The following TMPRSS11F variants were observed in gnomAD, a reference collection of about 807,000 sequenced individuals.
The protein encoded by TMPRSS11F is transmembrane serine protease 11F.
In TMPRSS11F, 47 loss-of-function variants were observed where a neutral mutation model predicts 60.2. The ratio of observed to expected loss-of-function variants is 0.78; its 90% CI spans 0.62 to 1.00. The LOEUF (loss-of-function observed/expected upper bound fraction) is 1.00. Among genes scored for constraint, TMPRSS11F ranks in the 50% least tolerant of loss-of-function variants. TMPRSS11F has a pLI of 0.00. For synonymous variants in TMPRSS11F, 166 were observed against 167.3 expected (o/e 0.99, Z 0.06); for missense variants, 519 against 522.9 (o/e 0.99, Z 0.07).
intron 8 of TMPRSS11F, among the ~76,000 whole-genome samples, chr4:68,059,804 C>T (rs1723120956): frequency 6.6e-6 from 1 of 152,162 alleles, no homozygotes; most frequent in Non-Finnish European, 1.5e-5. Flanking sequence ...CCAACTGCCA[C>T]ATTCTCCATG....
At chr4:68,106,672 A>G (rs756345923) in intron 1 of TMPRSS11F, among the ~76,000 whole-genome samples, 1 of 152,200 alleles carries the variant, frequency 6.6e-6, no homozygotes, top group Non-Finnish European at 1.5e-5. Context: ...CTGGTTTGAC[A>G]AAACAGTCAA....
At chr4:68,098,371 G>A (rs1724120257) in intron 2 of TMPRSS11F, among the ~76,000 whole-genome samples, 1 of 152,026 alleles carries the variant, frequency 6.6e-6, no homozygotes, top group Non-Finnish European at 1.5e-5. Context: ...TTGTCATTTG[G>A]CTCAACTATG....
intron 9 of TMPRSS11F, among the ~76,000 whole-genome samples, chr4:68,058,485 C>T (rs951311855): frequency 6.6e-6 from 1 of 152,126 alleles, no homozygotes; most frequent in Non-Finnish European, 1.5e-5. Flanking sequence ...TGAAAAAAGA[C>T]TTTTTCATTC....
At chr4:68,123,941 T>A (rs1226818308) in intron 1 of TMPRSS11F, among the ~76,000 whole-genome samples, 1 of 151,966 alleles carries the variant, frequency 6.6e-6, no homozygotes, top group Non-Finnish European at 1.5e-5. Flanking sequence ...TTTATCAAGG[T>A]CGGGCACGGT....
At chr4:68,087,540 G>C (rs552597683) in intron 3 of TMPRSS11F, among the ~76,000 whole-genome samples, 1 of 151,814 alleles carries the variant, frequency 6.6e-6, no homozygotes, top group Non-Finnish European at 1.5e-5. Flanking sequence ...AAAGTAAAAG[G>C]CATCCAAATA....
chr4:68,078,406 C>G (rs1577918930), intron 3 of TMPRSS11F, among the ~76,000 whole-genome samples: 2 of 152,136 alleles, frequency 1.3e-5, no homozygotes, highest in South Asian at 4.1e-4. Context: ...TTTGGGCCAC[C>G]TTGTCATCTT....
chr4:68,105,328 A>C (rs1560408409), intron 1 of TMPRSS11F, among the ~76,000 whole-genome samples: 1 of 152,128 alleles, frequency 6.6e-6, no homozygotes. Flanking sequence ...TATACAACTC[A>C]AACCTACTCT....
At chr4:68,065,779 A>G (rs1232230383) in intron 7 of TMPRSS11F, among the ~76,000 whole-genome samples, 1 of 151,500 alleles carries the variant, frequency 6.6e-6, no homozygotes, top group African/African-American at 2.4e-5. Flanking sequence ...AAAAAAAAAA[A>G]CCTGAAAGAT....
At position 68,086,241 on chromosome 4, in the gene TMPRSS11F, A is replaced by C. The variant is rs374347093; in HGVS notation, c.282+4282T>G. On this transcript the variant is annotated intron_variant, in intron 3 of 9. Transcript: ENST00000356291. ...GAAGATATCTCAAAACCACACAACT[A>C]CATGGAAATTAAGTAACTTGCTCCT... 5.0e-4 allele frequency among the ~76,000 whole-genome samples: 76 copies of C among 152,290 alleles called. 2 individuals are homozygous for C. The South Asian group carries it at 0.013, about 26-fold the overall frequency.
chr4:68,103,284 A>T (rs998529217), intron 1 of TMPRSS11F, among the ~76,000 whole-genome samples: 1 of 152,080 alleles, frequency 6.6e-6, no homozygotes, highest in Non-Finnish European at 1.5e-5. Flanking sequence ...CTACAAAAAA[A>T]ATACTTAAAA....
chr4:68,110,182 C>T (rs1394268393), intron 1 of TMPRSS11F, among the ~76,000 whole-genome samples: 1 of 152,180 alleles, frequency 6.6e-6, no homozygotes, highest in Non-Finnish European at 1.5e-5. Context: ...TTCTTAATGG[C>T]ATGGGTTAAC....
intron 1 of TMPRSS11F, among the ~76,000 whole-genome samples, chr4:68,120,052 G>A (rs545379026): frequency 5.9e-5 from 9 of 152,292 alleles, no homozygotes; most frequent in East Asian, 1.9e-4. Flanking sequence ...AGTAACTGCA[G>A]ATGTAATGGA....
chr4:68,096,816 G>A (rs955954536), intron 2 of TMPRSS11F, among the ~76,000 whole-genome samples: 2 of 152,050 alleles, frequency 1.3e-5, no homozygotes, highest in Non-Finnish European at 2.9e-5. Flanking sequence ...TTTCTATTGT[G>A]ATTATTTTAC....
intron 3 of TMPRSS11F, among the ~76,000 whole-genome samples, chr4:68,078,938 T>C (rs530811558): frequency 6.6e-6 from 1 of 151,938 alleles, no homozygotes; most frequent in Non-Finnish European, 1.5e-5. Flanking sequence ...TATGACACTT[T>C]GGGGAAGGAT....
At chr4:68,057,220 G>A (rs1723063839) in intron 9 of TMPRSS11F, among the ~76,000 whole-genome samples, 1 of 151,066 alleles carries the variant, frequency 6.6e-6, no homozygotes, top group African/African-American at 2.4e-5. Context: ...GGAAGGCAGA[G>A]GTTGCAGTGA....
In TMPRSS11F at chr4:68,068,801, G is replaced by A; in HGVS notation, c.572C>T (p.Thr191Ile). The A allele has an allele frequency of 6.2e-7, 1 of 1,614,070 alleles. No individual in the cohort carries two copies. Among genetic ancestry groups the A allele is most frequent in the Non-Finnish European group, 8.5e-7 (1 of 1,179,996 alleles). The stretch of plus-strand genomic sequence containing the variant: ...TGCTGGTAATGGCATGTTTGAAGAT[G>A]TCATCCTTATTCCACAGCCTGCCAC... ...LLNSRCGIRM[T>I]SSNMPLPASS... is the part of the protein sequence containing the mutation. Residue 191 changes from threonine to isoleucine, a missense_variant, in exon 7 of 10, where the codon ACA becomes ATA. Thr to Ile is a moderately conservative substitution (Grantham distance 89, BLOSUM62 -1). Coordinates refer to ENST00000356291, the MANE Select transcript of TMPRSS11F (RefSeq NM_207407.2).
chr4:68,119,492 T>C (rs1196145810), intron 1 of TMPRSS11F, among the ~76,000 whole-genome samples: 1 of 152,150 alleles, frequency 6.6e-6, no homozygotes, highest in Non-Finnish European at 1.5e-5. Context: ...TAGGAGCTAA[T>C]ACAGTTGGTG....
intron 1 of TMPRSS11F, among the ~76,000 whole-genome samples, chr4:68,106,634 A>G (rs926320235): frequency 2.6e-5 from 4 of 152,180 alleles, no homozygotes; most frequent in African/African-American, 9.7e-5. Context: ...TAATACATCA[A>G]AATTAGCTTC....
intron 5 of TMPRSS11F, among the ~76,000 whole-genome samples, chr4:68,071,490 A>T (rs78396999): frequency 0.041 from 6,207 of 152,284 alleles, 379 homozygotes; most frequent in African/African-American, 0.13. Flanking sequence ...AAGCAATGAA[A>T]GGAGCTGGAA....
Sources: gnomAD v4.1 joint callset for allele counts (sites outside exome capture counted in the v4.1 genomes callset) on GRCh38, gnomAD v4.1.1 for gene constraint, MANE v1.5 for transcripts, NCBI Gene and HGNC (gene_info 2026-07-23, HGNC 2026-07-21) for gene names.